Variants in ARHGEF26 observed in about 807,000 individuals in gnomAD.
ARHGEF26 encodes the protein Rho guanine nucleotide exchange factor 26.
In ARHGEF26, 59 loss-of-function variants were observed where a neutral mutation model predicts 89.4. The ratio of observed to expected loss-of-function variants is 0.66; its 90% CI spans 0.54 to 0.82. ARHGEF26 has a LOEUF of 0.82. Among genes scored for constraint, ARHGEF26 ranks in the 40% least tolerant of loss-of-function variants. The pLI, the probability that ARHGEF26 is intolerant of heterozygous loss-of-function variation, is 0.00. For missense variants in ARHGEF26, 1,234 were observed against 1,085.6 expected (o/e 1.14, Z -1.92); for synonymous variants, 500 against 428.4 (o/e 1.17, Z -2.06).
chr3:154,167,602 A>G (rs527889317), intron 6 of ARHGEF26, among the ~76,000 whole-genome samples: 1 of 152,218 alleles, frequency 6.6e-6, no homozygotes, highest in Non-Finnish European at 1.5e-5. Flanking sequence ...GAACAGCTTA[A>G]TAAACCAACA....
At chr3:154,123,456 A>C (rs1477763525) in intron 2 of ARHGEF26, among the ~76,000 whole-genome samples, 2 of 152,196 alleles carry the variant, frequency 1.3e-5, no homozygotes, top group Non-Finnish European at 2.9e-5. Context: ...GTTTGCTTAG[A>C]GGTTTCAGTC....
chr3:154,166,369 G>GGAAA (rs1387884247), intron 6 of ARHGEF26, among the ~76,000 whole-genome samples: 1 of 152,132 alleles, frequency 6.6e-6, no homozygotes, highest in Non-Finnish European at 1.5e-5. Flanking sequence ...TTTTAATGTG[G>GGAAA]GAAAGAGTTG....
rs183897721 is a variant in ARHGEF26, at chr3:154,158,107, G to A, written c.1487+5175G>A. Among the ~76,000 whole-genome samples the A allele has an allele frequency of 5.3e-5, 8 of 152,270 alleles. No individual in the cohort carries two copies. In the East Asian group the frequency reaches 1.5e-3, roughly 29 times the overall value. ...CAGGGTGCCAGGCATCCTACACTTAGTAGGACAGTCCCAGATAAGCCTGAA... is the reference window on the plus strand; with the variant it reads ...CAGGGTGCCAGGCATCCTACACTTAATAGGACAGTCCCAGATAAGCCTGAA... On this transcript the variant is annotated intron_variant, in intron 6 of 14. Coordinates refer to ENST00000465093, the MANE Select transcript of ARHGEF26 (RefSeq NM_015595.4).
At chr3:154,164,795 T>A (rs935145675) in intron 6 of ARHGEF26, among the ~76,000 whole-genome samples, 7 of 152,196 alleles carry the variant, frequency 4.6e-5, no homozygotes, top group African/African-American at 1.7e-4. Flanking sequence ...TACTTAGTTA[T>A]AAATATTTAG....
chr3:154,146,805 G>A (rs1169074201), intron 4 of ARHGEF26, among the ~76,000 whole-genome samples: 1 of 152,142 alleles, frequency 6.6e-6, no homozygotes, highest in African/African-American at 2.4e-5. Context: ...TTAAAATGCT[G>A]AAGATATAGA....
chr3:154,223,178 T>C (rs755171543), intron 10 of ARHGEF26, among the ~76,000 whole-genome samples: 2 of 152,170 alleles, frequency 1.3e-5, no homozygotes, highest in East Asian at 3.9e-4. Flanking sequence ...TTCAGTGTGA[T>C]TGAGTGGAGT....
intron 12 of ARHGEF26, among the ~76,000 whole-genome samples, chr3:154,244,736 A>G (rs1559924611): frequency 1.3e-5 from 2 of 151,798 alleles, no homozygotes; most frequent in African/African-American, 2.4e-5. Flanking sequence ...ACATGGTCCA[A>G]CTCTCTCATT....
At chr3:154,213,241 G>GTATATATATATA (rs750841371) in intron 9 of ARHGEF26, among the ~76,000 whole-genome samples, 127 of 145,648 alleles carry the variant, frequency 8.7e-4, no homozygotes, top group Non-Finnish European at 1.6e-3. Flanking sequence ...GTGTGTGTGT[G>GTATATATATATA]TATATATATA....
chr3:154,163,536 C>T (rs1038638516), intron 6 of ARHGEF26, among the ~76,000 whole-genome samples: 7 of 152,058 alleles, frequency 4.6e-5, no homozygotes, highest in African/African-American at 1.2e-4. Flanking sequence ...TTTAATCTGC[C>T]AGGGATTACA....
At position 154,240,508 on chromosome 3, in the gene ARHGEF26, C is replaced by T. The variant is rs781264649; in HGVS notation, c.2229C>T (p.His743=). ...MLYSRQSSAS[H]LFTLTVLSNH... Reference sequence around the variant, plus strand: ...ATTCAAGACAGAGCTCTGCCAGTCACCTCTTTACTCTGACAGTCCTTAGTA... The same window carrying T: ...ATTCAAGACAGAGCTCTGCCAGTCATCTCTTTACTCTGACAGTCCTTAGTA... Residue 743 remains histidine, a synonymous_variant, in exon 12 of 15, where the codon CAC becomes CAT. Transcript: ENST00000465093. 14 of 1,613,400 alleles carry T rather than the reference C, an allele frequency of 8.7e-6. No homozygotes were observed. The Admixed American group carries it at 1.0e-4, about 12-fold the overall frequency.
chr3:154,155,816 T>C (rs1002219853), intron 6 of ARHGEF26, among the ~76,000 whole-genome samples: 6 of 151,902 alleles, frequency 3.9e-5, no homozygotes, highest in Admixed American at 6.6e-5. Context: ...CCAGGAAAAC[T>C]GAAGGAAAAT....
intron 12 of ARHGEF26, 117 bp downstream of exon 12, chr3:154,240,696 T>A: frequency 1.2e-6 from 1 of 841,276 alleles, no homozygotes; most frequent in Non-Finnish European, 1.8e-6. Context: ...GTTGAGCACC[T>A]ACTGTTCGCT....
intron 14 of ARHGEF26, among the ~76,000 whole-genome samples, chr3:154,255,119 T>A (rs1718412704): frequency 6.6e-6 from 1 of 152,072 alleles, no homozygotes; most frequent in African/African-American, 2.4e-5. Context: ...CAGGTTCAAA[T>A]ACTCTCAGCC....
chr3:154,218,293 G>A (rs992356900), intron 10 of ARHGEF26, among the ~76,000 whole-genome samples: 2 of 152,092 alleles, frequency 1.3e-5, no homozygotes, highest in African/African-American at 4.8e-5. Flanking sequence ...TTCTCAAAAT[G>A]TTCTGAAAAA....
chr3:154,239,316 G>A (rs561108990), intron 11 of ARHGEF26, among the ~76,000 whole-genome samples: 25 of 146,980 alleles, frequency 1.7e-4, no homozygotes, highest in African/African-American at 6.2e-4. Flanking sequence ...GTGTGTGTGT[G>A]TGTGTGTGTG....
At chr3:154,162,458 A>G (rs1387446682) in intron 6 of ARHGEF26, among the ~76,000 whole-genome samples, 2 of 152,126 alleles carry the variant, frequency 1.3e-5, no homozygotes, top group African/African-American at 4.8e-5. Context: ...TTCTTATTTC[A>G]TCTGATTTAA....
intron 11 of ARHGEF26, among the ~76,000 whole-genome samples, chr3:154,229,546 G>A (rs1312784313): frequency 1.3e-5 from 2 of 152,310 alleles, no homozygotes; most frequent in Middle Eastern, 3.4e-3. Flanking sequence ...TACTGCAAGA[G>A]CAGACTTCTC....
chr3:154,122,185 C>T lies in ARHGEF26; in HGVS notation c.193C>T (p.Pro65Ser). The T allele has an allele frequency of 1.2e-6, 2 of 1,600,730 alleles. No homozygotes were observed. The highest frequency in any genetic ancestry group is 1.7e-6 in the Non-Finnish European group (2 of 1,173,912). The change falls in exon 2 of 15, where the codon CCC becomes TCC. Residue 65 changes from proline to serine, a missense_variant. Transcript: ENST00000465093. ...DGGTLLAAQI[P>S]AQVPTASDSR... ...AGGGACGCTCCTCGCAGCGCAGATT[C>T]CCGCCCAGGTGCCCACCGCCTCGGA... is the stretch of plus-strand genomic sequence containing the variant.
rs186984454 is a variant in ARHGEF26 at position 154,130,821 on chromosome 3, G to A, written c.1269+1102G>A. Among the ~76,000 whole-genome samples the A allele has an allele frequency of 1.6e-3, 244 of 152,320 alleles. 7 individuals carry two copies. The South Asian group carries it at 0.029, about 18-fold the overall frequency. ...GCAATATCAGAGCAGAGGTGACAGA[G>A]ATGTTTAGAATCAGGAATCTTGTGT... On this transcript the variant is annotated intron_variant, in intron 4 of 14. Coordinates refer to ENST00000465093, the MANE Select transcript of ARHGEF26 (RefSeq NM_015595.4).
Sources: allele counts gnomAD v4.1 joint callset (sites outside exome capture counted in the v4.1 genomes callset), GRCh38; gene constraint gnomAD v4.1.1; transcripts MANE v1.5; gene names NCBI Gene and HGNC (gene_info 2026-07-23, HGNC 2026-07-21).